Variants in AUTS2 observed in about 807,000 individuals in gnomAD.
The protein encoded by AUTS2 is activator of transcription and developmental regulator AUTS2.
AUTS2 carries 17 observed loss-of-function variants against 112.4 expected under a neutral mutation model. The observed-to-expected ratio is 0.15, with a 90% CI of 0.10 to 0.23. The LOEUF (loss-of-function observed/expected upper bound fraction) is 0.23. AUTS2 is among the 10% of genes least tolerant of loss of function. The pLI is 1.00. For synonymous variants in AUTS2, 751 were observed against 702.7 expected, an observed-to-expected ratio of 1.07 and a Z score of -1.09; for missense variants, 1,510 against 1,701.6, an observed-to-expected ratio of 0.89 and a Z score of 1.98.
At chr7:70,036,057 G>A (rs1223416734) in intron 2 of AUTS2, among the ~76,000 whole-genome samples, 4 of 152,164 alleles carry the variant, frequency 2.6e-5, no homozygotes, top group Non-Finnish European at 5.9e-5. Context: ...GGGGGAAGGG[G>A]GGATCCCTGG....
intron 1 of AUTS2, among the ~76,000 whole-genome samples, chr7:69,756,133 A>G (rs1787936640): frequency 6.6e-6 from 1 of 152,234 alleles, no homozygotes; most frequent in Non-Finnish European, 1.5e-5. Flanking sequence ...CCTGTGTAAT[A>G]GTCTAGTGAA....
At chr7:69,946,001 C>T (rs959899531) in intron 2 of AUTS2, among the ~76,000 whole-genome samples, 1 of 152,096 alleles carries the variant, frequency 6.6e-6, no homozygotes, top group African/African-American at 2.4e-5. Context: ...CCATGTCTGG[C>T]TGGCTGATTT....
At chr7:70,361,291 C>T (rs1445817757) in intron 4 of AUTS2, among the ~76,000 whole-genome samples, 1 of 152,000 alleles carries the variant, frequency 6.6e-6, no homozygotes, top group Admixed American at 6.6e-5. Context: ...CGAGATCGCG[C>T]CACTGCACTC....
intron 4 of AUTS2, among the ~76,000 whole-genome samples, chr7:70,211,828 T>C (rs1810918232): frequency 6.6e-6 from 1 of 150,844 alleles, no homozygotes; most frequent in South Asian, 2.1e-4. Context: ...CTACTAAAAA[T>C]ACAAAAAATT....
Position 70,550,354 on chromosome 7 carries a change from C to T in AUTS2, c.690+114573C>T, listed in dbSNP as rs535257418. Among the ~76,000 whole-genome samples, 57 of 152,296 alleles carry T rather than the reference C, an allele frequency of 3.7e-4. No individual in the cohort carries two copies. The South Asian group carries it at 6.0e-3, about 16-fold the overall frequency. On this transcript the variant is annotated intron_variant, in intron 5 of 18. Coordinates refer to ENST00000342771, the MANE Select transcript of AUTS2 (RefSeq NM_015570.4). Reference sequence around the variant, plus strand: ...TCGACCCATTATTCTAGTCCTTCGGCACCTCTTTGGATTCTGATTCTGGTT... The same window carrying T: ...TCGACCCATTATTCTAGTCCTTCGGTACCTCTTTGGATTCTGATTCTGGTT...
intron 2 of AUTS2, among the ~76,000 whole-genome samples, chr7:69,951,994 T>G (rs1797044907): frequency 6.6e-6 from 1 of 152,200 alleles, no homozygotes; most frequent in Non-Finnish European, 1.5e-5. Context: ...TTTGTGATTT[T>G]TACTCGATTT....
At chr7:69,734,157 CT>C (rs1445821113) in intron 1 of AUTS2, among the ~76,000 whole-genome samples, 1 of 152,120 alleles carries the variant, frequency 6.6e-6, no homozygotes, top group Non-Finnish European at 1.5e-5. Flanking sequence ...AACAAGATGG[CT>C]GTGTTTGCAT....
At chr7:70,367,329 A>G (rs1204754823) in intron 4 of AUTS2, among the ~76,000 whole-genome samples, 1 of 151,944 alleles carries the variant, frequency 6.6e-6, no homozygotes, top group Non-Finnish European at 1.5e-5. Flanking sequence ...GGCCAAGGTG[A>G]GTGGATCACG....
intron 2 of AUTS2, among the ~76,000 whole-genome samples, chr7:69,922,734 T>G (rs1392293599): frequency 6.6e-6 from 1 of 152,216 alleles, no homozygotes; most frequent in Non-Finnish European, 1.5e-5. Flanking sequence ...AGTGTATGCA[T>G]TATATTAGCA....
At chr7:70,687,984 C>T (rs1402446198) in intron 5 of AUTS2, among the ~76,000 whole-genome samples, 1 of 152,214 alleles carries the variant, frequency 6.6e-6, no homozygotes, top group African/African-American at 2.4e-5. Context: ...ACAAGTAGGA[C>T]AACCTCGGCC....
chr7:70,244,566 T>A (rs1384822545), intron 4 of AUTS2, among the ~76,000 whole-genome samples: 1 of 152,190 alleles, frequency 6.6e-6, no homozygotes, highest in Non-Finnish European at 1.5e-5. Flanking sequence ...GAGTTTCTCA[T>A]CCCTCTAAAG....
intron 3 of AUTS2, among the ~76,000 whole-genome samples, chr7:70,132,238 A>G (rs776866744): frequency 6.7e-6 from 1 of 150,176 alleles, no homozygotes; most frequent in Non-Finnish European, 1.5e-5. Flanking sequence ...GAGACTCTGT[A>G]TGCTTTCTAG....
intron 4 of AUTS2, among the ~76,000 whole-genome samples, chr7:70,145,517 A>T (rs554505922): frequency 6.6e-6 from 1 of 152,186 alleles, no homozygotes; most frequent in Non-Finnish European, 1.5e-5. Flanking sequence ...AGGATATGCT[A>T]TAAAAGAAAT....
chr7:70,768,215 TGTG>T (rs1025417662), intron 10 of AUTS2, 147 bp downstream of exon 10: 2 of 754,120 alleles, frequency 2.7e-6, no homozygotes, highest in African/African-American at 3.6e-5. Flanking sequence ...TGCTTGCTTT[TGTG>T]GTGTTTTGCT....
chr7:69,787,895 A>AGT (rs757918025), intron 1 of AUTS2, among the ~76,000 whole-genome samples: 3 of 152,148 alleles, frequency 2.0e-5, no homozygotes, highest in Non-Finnish European at 4.4e-5. Context: ...TTTTGGCACC[A>AGT]GTTTTACCTA....
At chr7:70,435,836 A>C (rs1194042356) in intron 5 of AUTS2, 55 bp downstream of exon 5, 1 of 1,577,950 alleles carries the variant, frequency 6.3e-7, no homozygotes, top group African/African-American at 1.3e-5. Flanking sequence ...TGAACACCAG[A>C]GTCCTCCCAC....
At chr7:69,897,507 C>T (rs115195414) in intron 1 of AUTS2, among the ~76,000 whole-genome samples, 2,898 of 151,362 alleles carry the variant, frequency 0.019, 81 homozygotes, top group South Asian at 0.062. Flanking sequence ...ATGAGGGTTC[C>T]ACCCTCATGA....
rs184940407 is a variant in AUTS2, at chr7:70,707,277, A to G, written c.742+8657A>G. ...TATGAATAGCTAGCATTTATTGAGG[A>G]CTTTCTTTTTGCTAGGTATTGTTCA... On this transcript the variant is annotated intron_variant, in intron 6 of 18. Transcript: ENST00000342771. Among the ~76,000 whole-genome samples the G allele has an allele frequency of 2.6e-5, 4 of 152,276 alleles. No individual in the cohort carries two copies. In the East Asian group the frequency reaches 7.7e-4, roughly 29 times the overall value.
chr7:70,726,516 G>A (rs1046304862), intron 6 of AUTS2, among the ~76,000 whole-genome samples: 5 of 152,090 alleles, frequency 3.3e-5, no homozygotes, highest in Admixed American at 2.6e-4. Flanking sequence ...AAGTTCTGTG[G>A]CTTAAAATAC....
Sources: gnomAD v4.1 joint callset for allele counts (sites outside exome capture counted in the v4.1 genomes callset) on GRCh38, gnomAD v4.1.1 for gene constraint, MANE v1.5 for transcripts, NCBI Gene and HGNC (gene_info 2026-07-23, HGNC 2026-07-21) for gene names.